Variants in CRACDL observed in about 807,000 individuals in gnomAD.
CRACDL encodes the protein CRACD-like protein.
A neutral mutation model predicts 70.6 loss-of-function variants in CRACDL; 26 were observed. That is an observed-to-expected ratio of 0.37 (90% CI 0.27 to 0.51). CRACDL has a LOEUF of 0.51. Among genes scored for constraint, CRACDL ranks in the 20% least tolerant of loss-of-function variants. CRACDL has a pLI of 0.94. For synonymous variants in CRACDL, 618 were observed against 615.2 expected (o/e 1.00, Z -0.07); for missense variants, 1,283 against 1,376.9 (o/e 0.93, Z 1.08).
chr2:98,833,342 C>T (rs1705627029), intron 3 of CRACDL, among the ~76,000 whole-genome samples: 1 of 152,226 alleles, frequency 6.6e-6, no homozygotes, highest in Non-Finnish European at 1.5e-5. Flanking sequence ...GAGGCCTGTC[C>T]CGGCTGCCCC....
At chr2:98,806,239 T>C (rs190197242) in intron 7 of CRACDL, among the ~76,000 whole-genome samples, 1 of 152,334 alleles carries the variant, frequency 6.6e-6, no homozygotes, top group East Asian at 1.9e-4. Context: ...TATACCTGCT[T>C]TGGGGATCTA....
chr2:98,800,705 T>C (rs761377637), intron 7 of CRACDL, among the ~76,000 whole-genome samples: 1 of 152,254 alleles, frequency 6.6e-6, no homozygotes, highest in Non-Finnish European at 1.5e-5. Flanking sequence ...ACATGTTTGC[T>C]AGCTGACCAT....
chr2:98,909,880 C>T (rs963975171), intron 1 of CRACDL, among the ~76,000 whole-genome samples: 5 of 152,178 alleles, frequency 3.3e-5, no homozygotes, highest in African/African-American at 1.2e-4. Context: ...GCTACGGAAG[C>T]CAACAACAAA....
At chr2:98,827,299 ATACT>A in intron 5 of CRACDL, 130 bp from the exon 6 acceptor site, 1 of 649,302 alleles carries the variant, frequency 1.5e-6, no homozygotes, top group Admixed American at 2.8e-5. Context: ...GTGTGTGGAA[ATACT>A]TTCTTTTTTT....
At chr2:98,886,032 T>C (rs1037374250) in intron 1 of CRACDL, among the ~76,000 whole-genome samples, 9 of 152,240 alleles carry the variant, frequency 5.9e-5, no homozygotes, top group Admixed American at 5.2e-4. Context: ...TAGTGAGCTC[T>C]ACAGCATTTT....
chr2:98,796,211 A>G lies in CRACDL; in HGVS notation c.2658T>C (p.Pro886=), dbSNP rs1335762970. The G allele has an allele frequency of 1.1e-5, 18 of 1,614,094 alleles. No homozygotes were observed. Among genetic ancestry groups the G allele is most frequent in the Non-Finnish European group, 1.5e-5 (18 of 1,180,022 alleles). ...GCTTCCGGTCCACAGCGGGCTTCAC[A>G]GGGGTTATCAGGAAAGACTTGCTGC... ...FVRSKSFLIT[P]VKPAVDRKQG... is the part of the protein sequence containing the mutation. The change falls in exon 9 of 10, where the codon CCT becomes CCC. Residue 886 remains proline, a synonymous_variant. Coordinates refer to ENST00000397899, the MANE Select transcript of CRACDL (RefSeq NM_207362.3).
intron 1 of CRACDL, among the ~76,000 whole-genome samples, chr2:98,913,851 C>A (rs1341629220): frequency 6.6e-6 from 1 of 152,212 alleles, no homozygotes; most frequent in Non-Finnish European, 1.5e-5. Flanking sequence ...TGGCAAGGCA[C>A]CTGGCCTGGG....
intron 1 of CRACDL, among the ~76,000 whole-genome samples, chr2:98,890,210 CA>C: frequency 1.3e-5 from 2 of 151,882 alleles, no homozygotes; most frequent in South Asian, 4.2e-4. Flanking sequence ...CTAACAAAAC[CA>C]AAAGTTAGTT....
In CRACDL at chr2:98,822,086, G is replaced by T. The variant is rs758919359; in HGVS notation, c.2187C>A (p.Pro729=). The change falls in exon 7 of 10, where the codon CCC becomes CCA. Residue 729 remains proline (P), a synonymous_variant. Coordinates refer to ENST00000397899, the MANE Select transcript of CRACDL (RefSeq NM_207362.3). This position sits in a 1 kb window ranked among gnomAD's most constrained non-coding sequence, Gnocchi z 4.9. The stretch of plus-strand genomic sequence containing the variant: ...CTCGAAGGGCGGGGGCCGTCCCGAG[G>T]GGACACTTCTCCTCCTTCGGGAGCA... The part of the protein sequence containing the change: ...LTVLPKEEKC[P]LGTAPALRGT... The T allele has an allele frequency of 1.1e-5, 17 of 1,560,108 alleles. No homozygotes were observed. The highest frequency in any genetic ancestry group is 8.7e-7 in the Non-Finnish European group (1 of 1,152,076).
chr2:98,851,697 A>G (rs1378275153), intron 1 of CRACDL, among the ~76,000 whole-genome samples: 6 of 152,306 alleles, frequency 3.9e-5, no homozygotes, highest in East Asian at 1.9e-4. Flanking sequence ...GAAAACTCCA[A>G]TGAAAGAAAA....
chr2:98,833,077 A>G, intron 3 of CRACDL, 80 bp from the exon 4 acceptor site: 1 of 1,311,290 alleles, frequency 7.6e-7, no homozygotes, highest in Non-Finnish European at 1.1e-6. Flanking sequence ...AGAAAGAGGG[A>G]TGTGAGTGAA....
chr2:98,812,141 AAT>A (rs1289778917), intron 7 of CRACDL, among the ~76,000 whole-genome samples: 1 of 152,098 alleles, frequency 6.6e-6, no homozygotes, highest in Non-Finnish European at 1.5e-5. Flanking sequence ...GCACTCAGTT[AAT>A]TTTTTATTTT....
intron 6 of CRACDL, 42 bp downstream of exon 6, chr2:98,826,933 C>G: frequency 6.5e-7 from 1 of 1,538,062 alleles, no homozygotes; most frequent in Non-Finnish European, 8.8e-7. Flanking sequence ...GGGTGCCAAG[C>G]CTGCCTGGCC....
Position 98,866,472 on chromosome 2 carries a change from C to CTTTTTTTTTT in CRACDL, c.-10-19663_-10-19662insAAAAAAAAAA, listed in dbSNP as rs869154325. Among the ~76,000 whole-genome samples, 5 of 107,812 alleles carry CTTTTTTTTTT rather than the reference C, an allele frequency of 4.6e-5. 2 individuals are homozygous for CTTTTTTTTTT. The highest frequency in any genetic ancestry group is 1.1e-4 in the African/African-American group (3 of 28,392). The allele number at this position is 107,812 out of a possible 152,430, so 70.7% of individuals were successfully genotyped here. On this transcript the variant is annotated intron_variant, in intron 1 of 9. Transcript: ENST00000397899. ...CACCTGATAGATGAAACAATCACTTCTTCTTTTTTTTTTTTTTTTTTTTTT... is the reference window on the plus strand; with the variant it reads ...CACCTGATAGATGAAACAATCACTTCTTTTTTTTTTTTCTTTTTTTTTTTTTTTTTTTTTT...
chr2:98,805,003 G>A (rs1227173825), intron 7 of CRACDL, among the ~76,000 whole-genome samples: 1 of 152,164 alleles, frequency 6.6e-6, no homozygotes, highest in Non-Finnish European at 1.5e-5. Flanking sequence ...AAGGTGCTGA[G>A]TCTAGACAGG....
At chr2:98,851,345 G>A (rs1287584478) in intron 1 of CRACDL, among the ~76,000 whole-genome samples, 1 of 152,090 alleles carries the variant, frequency 6.6e-6, no homozygotes, top group African/African-American at 2.4e-5. Flanking sequence ...CAAACTAGAG[G>A]GGCTTCTGGG....
intron 1 of CRACDL, among the ~76,000 whole-genome samples, chr2:98,853,393 T>C (rs578136063): frequency 3.2e-4 from 48 of 152,284 alleles, no homozygotes; most frequent in African/African-American, 1.1e-3. Context: ...AAAATTATCC[T>C]TCAATAATGA....
chr2:98,826,915 G>T, intron 6 of CRACDL, 60 bp downstream of exon 6: 1 of 1,247,516 alleles, frequency 8.0e-7, no homozygotes, highest in Non-Finnish European at 1.1e-6. Flanking sequence ...TTGGGGGGGG[G>T]CATAGGGGGG....
intron 7 of CRACDL, among the ~76,000 whole-genome samples, chr2:98,800,514 G>A (rs1340611278): frequency 6.6e-6 from 1 of 152,138 alleles, no homozygotes; most frequent in Non-Finnish European, 1.5e-5. Context: ...AGCTAGGAGG[G>A]AGGCTGTGGC....
Sources: gnomAD v4.1 joint callset for allele counts (sites outside exome capture counted in the v4.1 genomes callset) on GRCh38, gnomAD v4.1.1 for gene constraint, Gnocchi (gnomAD v3.1) non-coding constraint, MANE v1.5 for transcripts, NCBI Gene and HGNC (gene_info 2026-07-23, HGNC 2026-07-21) for gene names.